Variants in NAA35 observed in about 807,000 individuals in gnomAD.
NAA35 encodes the protein N-alpha-acetyltransferase 35, NatC auxiliary subunit.
In NAA35, 18 loss-of-function variants were observed where a neutral mutation model predicts 101.7. That is an observed-to-expected ratio of 0.18 (90% confidence interval 0.12 to 0.26). The LOEUF (loss-of-function observed/expected upper bound fraction) is 0.26. Ranked by LOEUF, NAA35 falls within the 10% of genes least tolerant of loss-of-function variation. The pLI is 1.00. For missense variants in NAA35, 601 were observed against 886.8 expected (o/e 0.68, Z 4.09); for synonymous variants, 267 against 273.1 (o/e 0.98, Z 0.22).
intron 17 of NAA35, among the ~76,000 whole-genome samples, chr9:86,014,903 G>A (rs1367398742): frequency 6.6e-6 from 1 of 152,198 alleles, no homozygotes; most frequent in Admixed American, 6.5e-5. Flanking sequence ...ACTACATTTT[G>A]TTATTCATAG....
At chr9:85,942,747 C>T (rs1339615499) in intron 2 of NAA35, among the ~76,000 whole-genome samples, 4 of 152,270 alleles carry the variant, frequency 2.6e-5, no homozygotes, top group Admixed American at 6.5e-5. Flanking sequence ...TGCCACTGTC[C>T]CCGCCAGGCT....
chr9:86,008,383 G>T (rs1291769990), intron 14 of NAA35, among the ~76,000 whole-genome samples: 1 of 152,106 alleles, frequency 6.6e-6, no homozygotes, highest in East Asian at 1.9e-4. Flanking sequence ...TTTACATGGT[G>T]GTGTAATTTT....
Position 85,958,589 on chromosome 9 carries a change from A to G in NAA35, c.273+3A>G, listed in dbSNP as rs367602279. ...TCAATTTTGAACAAGCTATCAAGGT[A>G]GTTACCATTGTACTTTTTGTGTTTC... On this transcript the variant is annotated splice_donor_region_variant and intron_variant, in intron 4 of 22. Transcript: ENST00000361671. 728 of 1,586,220 alleles carry G rather than the reference A, an allele frequency of 4.6e-4. 1 individual carries two copies. The highest frequency in any genetic ancestry group is 1.9e-3 in the South Asian group (169 of 88,800).
At chr9:85,952,182 A>G (rs56080971) in intron 2 of NAA35, among the ~76,000 whole-genome samples, 1 of 151,834 alleles carries the variant, frequency 6.6e-6, no homozygotes, top group African/African-American at 2.4e-5. Flanking sequence ...TATTTTTTTT[A>G]AAAATGCCAC....
intron 16 of NAA35, 44 bp downstream of exon 16, chr9:86,013,188 A>C (rs1832033306): frequency 3.3e-6 from 4 of 1,213,126 alleles, no homozygotes; most frequent in Non-Finnish European, 3.6e-6. Context: ...AATGATGCAC[A>C]CACTTTGTCC....
intron 1 of NAA35, chr9:85,941,655 G>A: frequency 1.0e-6 from 1 of 986,372 alleles, no homozygotes; most frequent in Non-Finnish European, 1.2e-6. Flanking sequence ...GTGCCTGCCG[G>A]CTCCTCATTG....
At chr9:85,976,648 C>T in intron 8 of NAA35, 37 bp from the exon 9 acceptor site, 1 of 1,438,488 alleles carries the variant, frequency 7.0e-7, no homozygotes, top group South Asian at 1.3e-5. Context: ...AATATTTTTT[C>T]AGGTTTGTGT....
intron 11 of NAA35, among the ~76,000 whole-genome samples, chr9:85,992,282 T>C (rs1217197537): frequency 1.3e-5 from 2 of 152,028 alleles, no homozygotes; most frequent in African/African-American, 4.8e-5. Context: ...TAGCAAAAAC[T>C]TAAGCATCAA....
intron 11 of NAA35, among the ~76,000 whole-genome samples, chr9:85,994,420 G>A (rs779155476): frequency 1.1e-4 from 17 of 152,110 alleles, no homozygotes; most frequent in Non-Finnish European, 1.0e-4. Context: ...TTTTGTGTCT[G>A]GCTTAGTATA....
intron 6 of NAA35, among the ~76,000 whole-genome samples, chr9:85,970,736 A>G (rs1390077285): frequency 6.6e-6 from 1 of 151,102 alleles, no homozygotes; most frequent in African/African-American, 2.4e-5. Context: ...AGTGTCAGAT[A>G]TGAATGTTAA....
Position 85,967,719 on chromosome 9 carries a change from G to A in NAA35, c.516+5539G>A, listed in dbSNP as rs372205284. Among the ~76,000 whole-genome samples, 190 of 151,574 alleles carry A rather than the reference G, an allele frequency of 1.3e-3. 4 individuals carry two copies. In the South Asian group the frequency reaches 0.033, roughly 27 times the overall value. On this transcript the variant is annotated intron_variant, in intron 6 of 22. Transcript: ENST00000361671. The stretch of plus-strand genomic sequence containing the variant: ...CAGGAGGCTGAGGCAGGAGAATGGC[G>A]TGAACCCGGGAGGCAGAGCTTGCAG...
intron 14 of NAA35, among the ~76,000 whole-genome samples, chr9:86,008,687 A>G (rs918660540): frequency 6.6e-6 from 1 of 152,350 alleles, no homozygotes; most frequent in South Asian, 2.1e-4. Context: ...TGATAATTGT[A>G]TATATGGAAA....
At chr9:85,948,561 T>C (rs1377052838) in intron 2 of NAA35, among the ~76,000 whole-genome samples, 4 of 152,182 alleles carry the variant, frequency 2.6e-5, no homozygotes, top group Non-Finnish European at 5.9e-5. Flanking sequence ...TATTATCTTC[T>C]TGAGTAAAGT....
Position 86,022,017 on chromosome 9 carries a change from A to G in NAA35, c.*57A>G. 1.5e-6 allele frequency: 2 copies of G among 1,333,872 alleles called. No homozygotes were observed. The highest frequency in any genetic ancestry group is 2.1e-6 in the Non-Finnish European group (2 of 934,132). The allele number at this position is 1,333,872 out of a possible 1,614,324, so 82.6% of individuals were successfully genotyped here. A position where few individuals can be genotyped will look rare whatever the true frequency, so the allele number is the denominator to read the frequency against. On this transcript the variant is annotated 3_prime_UTR_variant, in exon 23 of 23. Transcript: ENST00000361671. ...GAGTCTTCTTTCAGACCCAACTCTTAGAGGGCACATCACCAGGCTCCACAT... is the reference window on the plus strand; with the variant it reads ...GAGTCTTCTTTCAGACCCAACTCTTGGAGGGCACATCACCAGGCTCCACAT...
At chr9:85,941,773 A>G in intron 1 of NAA35, 1 of 991,892 alleles carries the variant, frequency 1.0e-6, no homozygotes, top group Non-Finnish European at 1.2e-6. Flanking sequence ...TAGCTGCCGC[A>G]TGGGGTCCTG....
intron 12 of NAA35, among the ~76,000 whole-genome samples, chr9:86,001,317 T>C (rs1039810718): frequency 2.6e-5 from 4 of 152,214 alleles, no homozygotes; most frequent in African/African-American, 7.2e-5. Flanking sequence ...GTGGTCGATA[T>C]TAGAGTATGT....
chr9:85,989,452 CAG>C (rs934668758), intron 11 of NAA35, among the ~76,000 whole-genome samples: 7 of 151,768 alleles, frequency 4.6e-5, no homozygotes, highest in Admixed American at 1.3e-4. Flanking sequence ...GCCTGGGTGA[CAG>C]AGTGAGACTC....
intron 15 of NAA35, among the ~76,000 whole-genome samples, chr9:86,012,310 G>T (rs1274527994): frequency 1.3e-5 from 2 of 151,528 alleles, no homozygotes; most frequent in African/African-American, 4.9e-5. Flanking sequence ...TTAGTGACGG[G>T]GTTTCACCAC....
At chr9:85,993,547 A>G (rs1822087620) in intron 11 of NAA35, among the ~76,000 whole-genome samples, 1 of 152,240 alleles carries the variant, frequency 6.6e-6, no homozygotes, top group South Asian at 2.1e-4. Context: ...AAATTGCACA[A>G]AAAAACCTTT....
Sources: gnomAD v4.1 joint callset for allele counts (sites outside exome capture counted in the v4.1 genomes callset) on GRCh38, gnomAD v4.1.1 for gene constraint, MANE v1.5 for transcripts, NCBI Gene and HGNC (gene_info 2026-07-23, HGNC 2026-07-21) for gene names.